RNF148: variants seen among roughly 807,000 people sequenced by gnomAD.
RNF148 encodes ring finger protein 148.
RNF148 carries 16 observed loss-of-function variants against 21.1 expected under a neutral mutation model. The ratio of observed to expected loss-of-function variants is 0.76; its 90% CI spans 0.51 to 1.15. The LOEUF is 1.15. RNF148 is among the 50% of genes most tolerant of loss of function. The pLI is 0.00. For missense variants in RNF148, 424 were observed against 374.2 expected (o/e 1.13, Z -1.10); for synonymous variants, 150 against 136.4 (o/e 1.10, Z -0.69).
At position 122,702,799 on chromosome 7, in the gene RNF148, C is replaced by T; in HGVS notation, c.-49G>A. On this transcript the variant is annotated 5_prime_UTR_variant, in exon 1 of 1. It removes the in-frame stop codon of an upstream open reading frame in the 5' UTR. Coordinates refer to ENST00000434824, the MANE Select transcript of RNF148 (RefSeq NM_198085.2). ...CAAACATGAGAAAACAAAACAACAT[C>T]AGTTGTAGAAGAACATAAAGAAGAT... The T allele has an allele frequency of 7.4e-7, 1 of 1,351,400 alleles. No homozygotes were observed. The highest frequency in any genetic ancestry group is 1.4e-5 in the South Asian group (1 of 70,058). The allele number at this position is 1,351,400 out of a possible 1,614,324, so 83.7% of individuals were successfully genotyped here.
In RNF148 at chr7:122,701,911, G is replaced by T; in HGVS notation, c.840C>A (p.Phe280Leu). ...VVRILTCKHFFHKACIDPWLL... is the reference protein window; with the variant it reads ...VVRILTCKHFLHKACIDPWLL... ...GCCAGGGGTCAATGCATGCCTTATG[G>T]AAAAAATGTTTGCAAGTTAAAATGC... The change falls in exon 1 of 1, where the codon TTC (phenylalanine) becomes TTA (leucine). Residue 280 changes from phenylalanine (F) to leucine (L), a missense_variant. Phe to Leu is a conservative substitution (Grantham distance 22). Coordinates refer to ENST00000434824, the MANE Select transcript of RNF148 (RefSeq NM_198085.2). 6.2e-7 allele frequency: 1 copy of T among 1,613,548 alleles called. No individual in the cohort carries two copies. The highest frequency in any genetic ancestry group is 1.1e-5 in the South Asian group (1 of 91,072).
In RNF148 at chr7:122,702,497, G is replaced by C; in HGVS notation, c.254C>G (p.Ala85Gly). ...VALPEGWNQNACHPLTNFSRP... is the reference protein window; with the variant it reads ...VALPEGWNQNGCHPLTNFSRP... Reference sequence around the variant, plus strand: ...GCTGAAATTGGTCAAAGGATGACAGGCATTCTGATTCCATCCTTCAGGAAG... The same window carrying C: ...GCTGAAATTGGTCAAAGGATGACAGCCATTCTGATTCCATCCTTCAGGAAG... The change falls in exon 1 of 1, where the codon GCC becomes GGC. Residue 85 changes from alanine (A) to glycine (G), a missense_variant. Transcript: ENST00000434824. The C allele has an allele frequency of 6.2e-7, 1 of 1,613,624 alleles. No homozygotes were observed. Among genetic ancestry groups the C allele is most frequent in the Non-Finnish European group, 8.5e-7 (1 of 1,179,712 alleles).
rs77929503 is a variant in RNF148, at chr7:122,702,807, G to C, written c.-57C>G. 5.2e-4 allele frequency: 675 copies of C among 1,299,242 alleles called. 5 individuals are homozygous for C. In the East Asian group the frequency reaches 0.011, roughly 22 times the overall value. The allele number at this position is 1,299,242 out of a possible 1,614,324, so 80.5% of individuals were successfully genotyped here. A position where few individuals can be genotyped will look rare whatever the true frequency, so the allele number is the denominator to read the frequency against. ...AGAAAACAAAACAACATCAGTTGTAGAAGAACATAAAGAAGATAGCTTGTT... is the reference window on the plus strand; with the variant it reads ...AGAAAACAAAACAACATCAGTTGTACAAGAACATAAAGAAGATAGCTTGTT... On this transcript the variant is annotated 5_prime_UTR_variant, in exon 1 of 1. Transcript: ENST00000434824.
chr7:122,701,681 G>C lies in RNF148; in HGVS notation c.*152C>G. The C allele has an allele frequency of 4.3e-6, 2 of 468,830 alleles. No individual in the cohort carries two copies. Among genetic ancestry groups the C allele is most frequent in the Non-Finnish European group, 7.5e-6 (2 of 267,240 alleles). 29.0% of individuals were successfully genotyped at this position (468,830 alleles called of 1,614,324 possible). ...AGTTCAAATAGCTGGGCATGATAAG[G>C]AGTTTTATTTTTAAAACACAAATTT... On this transcript the variant is annotated 3_prime_UTR_variant, in exon 1 of 1. Transcript: ENST00000434824.
rs763447906 is a variant in RNF148 at position 122,702,039 on chromosome 7, G to C, written c.712C>G (p.Gln238Glu). Residue 238 changes from glutamine to glutamate, a missense_variant, in exon 1 of 1, where the codon CAG becomes GAG. Transcript: ENST00000434824. ...IKTDVKKAID[Q>E]LQLRVLKEGD... is the part of the protein sequence containing the mutation. ...TCTTTGAGAACTCGCAGTTGAAGCT[G>C]GTCAATAGCTTTCTTCACATCTGTC... The C allele has an allele frequency of 6.2e-7, 1 of 1,613,420 alleles. No homozygotes were observed. Among genetic ancestry groups the C allele is most frequent in the Non-Finnish European group, 8.5e-7 (1 of 1,179,568 alleles).
rs1004993499 is a variant in RNF148, at chr7:122,702,691, C to A, written c.60G>T (p.Arg20Ser). The change falls in exon 1 of 1, where the codon AGG becomes AGT. Residue 20 changes from arginine to serine, a missense_variant. By Grantham distance (110) the Arg-to-Ser change is moderately radical. Transcript: ENST00000434824. Reference protein sequence around the residue: ...THSSVSSGLLRLSIFLLLSFP... With the variant: ...THSSVSSGLLSLSIFLLLSFP... ...AGCTAAGTAGTAGAAAGATACTAAG[C>A]CTCAAAAGTCCAGATGAAACAGAAC... The A allele has an allele frequency of 6.2e-7, 1 of 1,612,706 alleles. No homozygotes were observed. The highest frequency in any genetic ancestry group is 8.5e-7 in the Non-Finnish European group (1 of 1,179,288).
In RNF148 at chr7:122,702,251, ATCG is replaced by A. The variant is rs766283676; in HGVS notation, c.497_499del (p.Ser166_Ile167delinsPhe). ...GACTGTCACATAGACTCCTTTCTGA[ATCG>A]AGTGCAAAATTTCCATGCCTTTCAG... On this transcript the variant is annotated inframe_deletion, in exon 1 of 1. Transcript: ENST00000434824. 5.6e-6 allele frequency: 9 copies of A among 1,613,668 alleles called. No homozygotes were observed. Among genetic ancestry groups the A allele is most frequent in the Non-Finnish European group, 7.6e-6 (9 of 1,179,782 alleles).
rs762346587 is a variant in RNF148 at position 122,702,713 on chromosome 7, G to A, written c.38C>T (p.Ser13Phe). 61 of 1,611,418 alleles carry A rather than the reference G, an allele frequency of 3.8e-5. 1 individual carries two copies. The South Asian group carries it at 6.5e-4, about 17-fold the overall frequency. The change falls in exon 1 of 1, where the codon TCT (serine) becomes TTT (phenylalanine). Residue 13 changes from serine (S) to phenylalanine (F), a missense_variant. Physicochemically the swap from Ser to Phe is radical, Grantham distance 155. Coordinates refer to ENST00000434824, the MANE Select transcript of RNF148 (RefSeq NM_198085.2). ...AAGCCTCAAAAGTCCAGATGAAACA[G>A]AACTATGCGTCGAAGGGGTAATTCT... The part of the protein sequence containing the change: ...FLRITPSTHS[S>F]VSSGLLRLSI...
In RNF148 at chr7:122,702,713, G is replaced by T; in HGVS notation, c.38C>A (p.Ser13Tyr). Residue 13 changes from serine to tyrosine, a missense_variant, in exon 1 of 1, where the codon TCT (serine) becomes TAT (tyrosine). Physicochemically the swap from Ser to Tyr is moderately radical, Grantham distance 144. Coordinates refer to ENST00000434824, the MANE Select transcript of RNF148 (RefSeq NM_198085.2). ...AAGCCTCAAAAGTCCAGATGAAACA[G>T]AACTATGCGTCGAAGGGGTAATTCT... ...FLRITPSTHSSVSSGLLRLSI... is the reference protein window; with the variant it reads ...FLRITPSTHSYVSSGLLRLSI... 2.5e-6 allele frequency: 4 copies of T among 1,611,536 alleles called. No individual in the cohort carries two copies. Among genetic ancestry groups the T allele is most frequent in the Non-Finnish European group, 3.4e-6 (4 of 1,178,636 alleles).
Position 122,702,212 on chromosome 7 carries a change from C to T in RNF148, c.539G>A (p.Gly180Glu), listed in dbSNP as rs755013018. The T allele has an allele frequency of 6.2e-7, 1 of 1,613,658 alleles. No homozygotes were observed. The highest frequency in any genetic ancestry group is 8.5e-7 in the Non-Finnish European group (1 of 1,179,778). Reference sequence around the variant, plus strand: ...GCTCACCCACTGCATGTGCATTCTCCCCACTTCAATGATGACTGTCACATA... The same window carrying T: ...GCTCACCCACTGCATGTGCATTCTCTCCACTTCAATGATGACTGTCACATA... ...GVYVTVIIEVGRMHMQWVSHY... is the reference protein window; with the variant it reads ...GVYVTVIIEVERMHMQWVSHY... Residue 180 changes from glycine (G) to glutamate (E), a missense_variant, in exon 1 of 1, where the codon GGG becomes GAG. Gly to Glu is a moderately conservative substitution (Grantham distance 98). Coordinates refer to ENST00000434824, the MANE Select transcript of RNF148 (RefSeq NM_198085.2).
Position 122,702,747 on chromosome 7 carries a change from T to C in RNF148, c.4A>G (p.Ser2Gly). 1 of 1,594,232 alleles carries C rather than the reference T, an allele frequency of 6.3e-7. No homozygotes were observed. The highest frequency in any genetic ancestry group is 8.5e-7 in the Non-Finnish European group (1 of 1,169,782). The change falls in exon 1 of 1, where the codon AGC becomes GGC. Residue 2 changes from serine (S) to glycine (G), a missense_variant. Transcript: ENST00000434824. M[S>G]FLRITPSTHS... ...GTCGAAGGGGTAATTCTAAGGAAGC[T>C]CATGCCTCCATTTGTCTATTAAGAG... is the stretch of plus-strand genomic sequence containing the variant.
Position 122,702,136 on chromosome 7 carries a change from A to C in RNF148, c.615T>G (p.Phe205Leu). ...TAAGTCTCCAGACGCAATCTAAGTA[A>C]AAGTAGGCAATTGTGGCAGCCAGGA... ...FTFLAATIAY[F>L]YLDCVWRLTP... is the part of the protein sequence containing the mutation. Residue 205 changes from phenylalanine (F) to leucine (L), a missense_variant, in exon 1 of 1, where the codon TTT becomes TTG. Coordinates refer to ENST00000434824, the MANE Select transcript of RNF148 (RefSeq NM_198085.2). 6.2e-7 allele frequency: 1 copy of C among 1,613,716 alleles called. No homozygotes were observed. The highest frequency in any genetic ancestry group is 8.5e-7 in the Non-Finnish European group (1 of 1,179,768).
chr7:122,702,123 C>A lies in RNF148; in HGVS notation c.628G>T (p.Val210Phe), dbSNP rs376463521. The change falls in exon 1 of 1, where the codon GTC (valine) becomes TTC (phenylalanine). Residue 210 changes from valine to phenylalanine, a missense_variant. Transcript: ENST00000434824. ...GGCACTCTAGGTGTAAGTCTCCAGA[C>A]GCAATCTAAGTAAAAGTAGGCAATT... ...ATIAYFYLDC[V>F]WRLTPRVPNS... 12 of 1,613,552 alleles carry A rather than the reference C, an allele frequency of 7.4e-6. No individual in the cohort carries two copies. The highest frequency in any genetic ancestry group is 4.4e-5 in the South Asian group (4 of 91,078).
Position 122,702,168 on chromosome 7 carries a change from A to AT in RNF148, c.582dup (p.Phe195IlefsTer22), listed in dbSNP as rs575465318. 1.1e-4 allele frequency: 178 copies of AT among 1,613,812 alleles called. 2 individuals are homozygous for AT. The East Asian group carries it at 3.7e-3, about 33-fold the overall frequency. On this transcript the variant is annotated frameshift_variant, in exon 1 of 1. Transcript: ENST00000434824. LOFTEE classifies it high-confidence loss of function. ...GCAATTGTGGCAGCCAGGAAGGTAA[A>AT]TAGATACATGATGTAATGGCTCACC...
chr7:122,702,570 C>T lies in RNF148; in HGVS notation c.181G>A (p.Val61Met), dbSNP rs1251983160. ...TCCAGAGGAGAATGATTCCCGAACACTCCACTCTCTCCTAATTCCGATGTG... is the reference window on the plus strand; with the variant it reads ...TCCAGAGGAGAATGATTCCCGAACATTCCACTCTCTCCTAATTCCGATGTG... ...EITSELGESG[V>M]FGNHSPLERV... Residue 61 changes from valine to methionine, a missense_variant, in exon 1 of 1, where the codon GTG becomes ATG. Physicochemically the swap from Val to Met is conservative, Grantham distance 21 (BLOSUM62 1). Coordinates refer to ENST00000434824, the MANE Select transcript of RNF148 (RefSeq NM_198085.2). 1.2e-6 allele frequency: 2 copies of T among 1,613,642 alleles called. No individual in the cohort carries two copies. The highest frequency in any genetic ancestry group is 3.3e-5 in the Admixed American group (2 of 59,942).
chr7:122,702,700 T>A lies in RNF148; in HGVS notation c.51A>T (p.Gly17=). Residue 17 remains glycine (G), a synonymous_variant, in exon 1 of 1, where the codon GGA becomes GGT. Coordinates refer to ENST00000434824, the MANE Select transcript of RNF148 (RefSeq NM_198085.2). ...TPSTHSSVSS[G]LLRLSIFLLL... is the part of the protein sequence containing the mutation. ...GTAGAAAGATACTAAGCCTCAAAAG[T>A]CCAGATGAAACAGAACTATGCGTCG... 6.2e-7 allele frequency: 1 copy of A among 1,612,472 alleles called. No individual in the cohort carries two copies. The highest frequency in any genetic ancestry group is 8.5e-7 in the Non-Finnish European group (1 of 1,179,106).
rs974529801 is a variant in RNF148, at chr7:122,701,968, G to C, written c.783C>G (p.Cys261Trp). Residue 261 changes from cysteine (C) to tryptophan (W), a missense_variant, in exon 1 of 1, where the codon TGC becomes TGG. Coordinates refer to ENST00000434824, the MANE Select transcript of RNF148 (RefSeq NM_198085.2). ...LDLNEDNCVVCFDTYKPQDVV... is the reference protein window; with the variant it reads ...LDLNEDNCVVWFDTYKPQDVV... The stretch of plus-strand genomic sequence containing the variant: ...CATCTTGGGGTTTGTATGTGTCAAA[G>C]CAAACAACACAGTTGTCTTCATTTA... The C allele has an allele frequency of 6.2e-7, 1 of 1,613,522 alleles. No homozygotes were observed. The highest frequency in any genetic ancestry group is 1.3e-5 in the African/African-American group (1 of 74,912).
In RNF148 at chr7:122,702,592, T is replaced by A; in HGVS notation, c.159A>T (p.Thr53=). 6.2e-7 allele frequency: 1 copy of A among 1,613,666 alleles called. No individual in the cohort carries two copies. Among genetic ancestry groups the A allele is most frequent in the Non-Finnish European group, 8.5e-7 (1 of 1,179,736 alleles). ...ACACTCCACTCTCTCCTAATTCCGA[T>A]GTGATCTCATTTCCAACCTGAAATG... is the stretch of plus-strand genomic sequence containing the variant. ...NITFQVGNEI[T]SELGESGVFG... The change falls in exon 1 of 1, where the codon ACA becomes ACT. Residue 53 remains threonine (T), a synonymous_variant. Coordinates refer to ENST00000434824, the MANE Select transcript of RNF148 (RefSeq NM_198085.2).
Position 122,702,676 on chromosome 7 carries a change from T to C in RNF148, c.75A>G (p.Leu25=), listed in dbSNP as rs776919918. 6 of 1,612,948 alleles carry C rather than the reference T, an allele frequency of 3.7e-6. No homozygotes were observed. The highest frequency in any genetic ancestry group is 2.2e-5 in the East Asian group (1 of 44,848). The change falls in exon 1 of 1, where the codon CTA becomes CTG. Residue 25 remains leucine (L), a synonymous_variant. Transcript: ENST00000434824. ...CGTTTGAGTCAGGAAAGCTAAGTAG[T>C]AGAAAGATACTAAGCCTCAAAAGTC... ...SSGLLRLSIF[L]LLSFPDSNGK...
Sources: allele counts gnomAD v4.1 joint callset, GRCh38; gene constraint gnomAD v4.1.1; transcripts MANE v1.5; gene names NCBI Gene and HGNC (gene_info 2026-07-23, HGNC 2026-07-21).